SMYD3: variants seen among roughly 807,000 people sequenced by gnomAD.
SMYD3 encodes the protein histone-lysine N-methyltransferase SMYD3.
A neutral mutation model predicts 57.7 loss-of-function variants in SMYD3; 36 were observed. The observed-to-expected ratio is 0.62, with a 90% CI of 0.48 to 0.82. The LOEUF (loss-of-function observed/expected upper bound fraction) is 0.82. Among genes scored for constraint, SMYD3 ranks in the 40% least tolerant of loss-of-function variants. The pLI is 0.00. For missense variants in SMYD3, 515 were observed against 538.8 expected (o/e 0.96, Z 0.44); for synonymous variants, 211 against 195.0 (o/e 1.08, Z -0.68).
intron 11 of SMYD3, among the ~76,000 whole-genome samples, chr1:245,758,623 GATT>G (rs1053657775): frequency 1.3e-5 from 2 of 151,808 alleles, no homozygotes; most frequent in African/African-American, 4.8e-5. Context: ...TGTTTATTTT[GATT>G]ATTATATTTA....
At chr1:245,790,403 C>T (rs1215022196) in intron 10 of SMYD3, among the ~76,000 whole-genome samples, 1 of 152,164 alleles carries the variant, frequency 6.6e-6, no homozygotes, top group Non-Finnish European at 1.5e-5. Context: ...ACGGGCAGAG[C>T]CCACTCTTAT....
chr1:246,331,260 T>C (rs1336949957), intron 3 of SMYD3, among the ~76,000 whole-genome samples: 1 of 152,210 alleles, frequency 6.6e-6, no homozygotes. Flanking sequence ...AGTTTACTGT[T>C]TTGCCACTTA....
At chr1:246,367,144 T>A (rs2066117513) in intron 1 of SMYD3, among the ~76,000 whole-genome samples, 1 of 152,110 alleles carries the variant, frequency 6.6e-6, no homozygotes, top group South Asian at 2.1e-4. Flanking sequence ...TTACCTAAAT[T>A]GTAACGATTT....
intron 5 of SMYD3, among the ~76,000 whole-genome samples, chr1:246,138,837 C>G (rs975271026): frequency 2.0e-5 from 3 of 152,102 alleles, no homozygotes; most frequent in African/African-American, 4.8e-5. Flanking sequence ...TCAGGTCTGT[C>G]AAGTTTGCTA....
chr1:245,988,888 G>A (rs1394309904), intron 5 of SMYD3, among the ~76,000 whole-genome samples: 4 of 152,248 alleles, frequency 2.6e-5, no homozygotes, highest in Non-Finnish European at 5.9e-5. Context: ...CCTGAGAGCT[G>A]ACGCTCAGCA....
intron 5 of SMYD3, among the ~76,000 whole-genome samples, chr1:246,195,578 T>C (rs2062817553): frequency 6.6e-6 from 1 of 151,918 alleles, no homozygotes; most frequent in South Asian, 2.1e-4. Flanking sequence ...TGAAGGAATA[T>C]ACAAATATAT....
intron 8 of SMYD3, 43 bp from the exon 9 acceptor site, chr1:245,863,929 T>C (rs1165763599): frequency 2.5e-6 from 4 of 1,576,516 alleles, no homozygotes; most frequent in African/African-American, 1.3e-5. Flanking sequence ...TAATTAGTAA[T>C]AGGCAAAGGA....
Position 245,952,485 on chromosome 1 carries a change from C to T in SMYD3, c.532-22548G>A, listed in dbSNP as rs115219724. On this transcript the variant is annotated intron_variant, in intron 5 of 11. Coordinates refer to ENST00000490107, the MANE Select transcript of SMYD3 (RefSeq NM_001167740.2). ...TATGGCTGCTTGATGATAGTTCAGTCCATTGTCAACCTAACTAGAATCAAT... is the reference window on the plus strand; with the variant it reads ...TATGGCTGCTTGATGATAGTTCAGTTCATTGTCAACCTAACTAGAATCAAT... Among the ~76,000 whole-genome samples, 1,116 of 152,252 alleles carry T rather than the reference C, an allele frequency of 7.3e-3. 15 individuals carry two copies. Among genetic ancestry groups the T allele is most frequent in the African/African-American group, 0.026 (1,071 of 41,544 alleles).
chr1:246,422,947 GA>G (rs568099135), intron 1 of SMYD3, among the ~76,000 whole-genome samples: 1 of 151,458 alleles, frequency 6.6e-6, no homozygotes, highest in East Asian at 1.9e-4. Flanking sequence ...TTCAAAAGAA[GA>G]AAAAAAACAA....
chr1:246,060,937 A>G (rs532342184), intron 5 of SMYD3, among the ~76,000 whole-genome samples: 1 of 152,312 alleles, frequency 6.6e-6, no homozygotes, highest in Admixed American at 6.5e-5. Flanking sequence ...ATTAGAAATA[A>G]ATGTTTTAGG....
chr1:246,486,481 T>C (rs1015715655), intron 1 of SMYD3, among the ~76,000 whole-genome samples: 1 of 152,196 alleles, frequency 6.6e-6, no homozygotes, highest in Admixed American at 6.5e-5. Context: ...AAAATATTTA[T>C]TTCAGGGATA....
At chr1:245,990,171 G>C (rs2058786430) in intron 5 of SMYD3, among the ~76,000 whole-genome samples, 1 of 152,172 alleles carries the variant, frequency 6.6e-6, no homozygotes, top group Non-Finnish European at 1.5e-5. Context: ...CTGGGCTAAA[G>C]TGATCCTCCC....
rs1350861604 is a variant in SMYD3 at position 245,749,375 on chromosome 1, TA to T, written c.*187del. ...TCAACCAAATGTTTTGAATTTATTA[TA>T]ATCGTGCTTCTCTACAACTAATGAT... On this transcript the variant is annotated 3_prime_UTR_variant, in exon 12 of 12. Transcript: ENST00000490107. 5 of 499,102 alleles carry T rather than the reference TA, an allele frequency of 1.0e-5. No individual in the cohort carries two copies. Among genetic ancestry groups the T allele is most frequent in the Non-Finnish European group, 1.4e-5 (4 of 284,356 alleles). The allele number at this position is 499,102 out of a possible 1,614,324, so 30.9% of individuals were successfully genotyped here.
At chr1:245,896,893 GAA>G (rs2053848187) in intron 8 of SMYD3, among the ~76,000 whole-genome samples, 1 of 1,474 alleles carries the variant, frequency 6.8e-4, no homozygotes, top group Non-Finnish European at 7.6e-3. Context: ...GAAGAGCACA[GAA>G]GGAGTGAAAA....
chr1:246,232,378 G>T (rs2063422437), intron 5 of SMYD3, among the ~76,000 whole-genome samples: 1 of 152,154 alleles, frequency 6.6e-6, no homozygotes, highest in African/African-American at 2.4e-5. Context: ...GAATTTCAAT[G>T]AGGTGGGAAA....
At chr1:245,964,328 G>A (rs1013467826) in intron 5 of SMYD3, among the ~76,000 whole-genome samples, 4 of 152,116 alleles carry the variant, frequency 2.6e-5, no homozygotes, top group African/African-American at 9.7e-5. Context: ...CATAAGCTTC[G>A]GAGGGGACAA....
chr1:245,782,436 C>CAAA (rs2046871229), intron 10 of SMYD3, among the ~76,000 whole-genome samples: 1 of 152,200 alleles, frequency 6.6e-6, no homozygotes, highest in Non-Finnish European at 1.5e-5. Flanking sequence ...CTTTGGGAAT[C>CAAA]TGTTTATTTT....
intron 1 of SMYD3, among the ~76,000 whole-genome samples, chr1:246,366,930 C>CAAA (rs1269333583): frequency 3.6e-4 from 21 of 58,480 alleles, no homozygotes; most frequent in African/African-American, 6.0e-4. Flanking sequence ...GACTCCATCT[C>CAAA]AAAAAAAAAA....
intron 10 of SMYD3, among the ~76,000 whole-genome samples, chr1:245,811,445 T>A (rs751106194): frequency 3.3e-5 from 5 of 152,222 alleles, no homozygotes; most frequent in Non-Finnish European, 7.3e-5. Context: ...CCAGACAGAT[T>A]TGAAATGTTG....
Sources: allele counts gnomAD v4.1 joint callset (sites outside exome capture counted in the v4.1 genomes callset), GRCh38; gene constraint gnomAD v4.1.1; transcripts MANE v1.5; gene names NCBI Gene and HGNC (gene_info 2026-07-23, HGNC 2026-07-21).